Variants in CNTN6 observed in about 807,000 individuals in gnomAD.
The protein encoded by CNTN6 is contactin-6.
In CNTN6, 137 loss-of-function variants were observed where a neutral mutation model predicts 122.8. The ratio of observed to expected loss-of-function variants is 1.12; its 90% CI spans 0.97 to 1.29. The LOEUF is 1.29. Ranked by LOEUF, CNTN6 falls within the 50% of genes most tolerant of loss-of-function variation. The probability of loss-of-function intolerance (pLI) is 0.00; values close to 1 mark genes in which losing one functional copy is unlikely to be tolerated. For missense variants in CNTN6, 1,634 were observed against 1,223.4 expected, an observed-to-expected ratio of 1.34 and a Z score of -5.01; for synonymous variants, 570 against 426.0, an observed-to-expected ratio of 1.34 and a Z score of -4.16.
At chr3:1,341,305 A>G (rs897633810) in intron 11 of CNTN6, among the ~76,000 whole-genome samples, 3 of 152,030 alleles carry the variant, frequency 2.0e-5, no homozygotes, top group Non-Finnish European at 4.4e-5. Context: ...GCATGTTAGC[A>G]TATGAATCTA....
At chr3:1,310,502 C>T (rs527298529) in intron 7 of CNTN6, among the ~76,000 whole-genome samples, 10 of 152,216 alleles carry the variant, frequency 6.6e-5, no homozygotes, top group African/African-American at 2.4e-4. Flanking sequence ...TTAATTGTTG[C>T]TGGACACAAT....
At chr3:1,250,484 C>T (rs368275598) in intron 4 of CNTN6, among the ~76,000 whole-genome samples, 23 of 152,270 alleles carry the variant, frequency 1.5e-4, no homozygotes, top group Middle Eastern at 6.8e-3. Flanking sequence ...GCAAGATTCC[C>T]ACAAACACAC....
At position 1,115,125 on chromosome 3, in the gene CNTN6, A is replaced by G. The variant is rs112775064; in HGVS notation, c.-83+22005A>G. Among the ~76,000 whole-genome samples the G allele has an allele frequency of 1.0e-3, 153 of 152,330 alleles. 2 individuals are homozygous for G. The highest frequency in any genetic ancestry group is 3.5e-3 in the African/African-American group (146 of 41,586). On this transcript the variant is annotated intron_variant, in intron 1 of 22. Transcript: ENST00000446702. ...GGGAGTTTATATGATCCTTCTGTGT[A>G]TAAGGTGAAAGACACATAAATATAA...
At position 1,121,225 on chromosome 3, in the gene CNTN6, C is replaced by G. The variant is rs114334944; in HGVS notation, c.-82-26702C>G. Among the ~76,000 whole-genome samples the G allele has an allele frequency of 4.4e-3, 563 of 126,758 alleles. 4 individuals are homozygous for G. Among genetic ancestry groups the G allele is most frequent in the African/African-American group, 0.015 (550 of 36,308 alleles). The allele number at this position is 126,758 out of a possible 152,430, so 83.2% of individuals were successfully genotyped here. A position where few individuals can be genotyped will look rare whatever the true frequency, so the allele number is the denominator to read the frequency against. ...GAGAGGTATGTAGTACTGAGCTACT[C>G]TATTGGAACACAGAGTTAAACAAAT... On this transcript the variant is annotated intron_variant, in intron 1 of 22. Coordinates refer to ENST00000446702, the MANE Select transcript of CNTN6 (RefSeq NM_001289080.2).
intron 1 of CNTN6, among the ~76,000 whole-genome samples, chr3:1,141,744 G>C (rs888232101): frequency 6.6e-6 from 1 of 152,048 alleles, no homozygotes; most frequent in Non-Finnish European, 1.5e-5. Flanking sequence ...TGACAGAATT[G>C]GACAAGAATA....
intron 4 of CNTN6, among the ~76,000 whole-genome samples, chr3:1,268,727 C>T (rs9835344): frequency 0.54 from 81,746 of 151,742 alleles, 23,142 homozygotes; most frequent in East Asian, 0.82. Context: ...AAGCTGCCAC[C>T]GAATAGGCAC....
At chr3:1,358,358 C>T (rs1706922878) in intron 12 of CNTN6, among the ~76,000 whole-genome samples, 1 of 151,716 alleles carries the variant, frequency 6.6e-6, no homozygotes, top group South Asian at 2.1e-4. Context: ...AGTAAATTTA[C>T]CTTGACTCTA....
At chr3:1,193,164 G>A (rs571413000) in intron 2 of CNTN6, among the ~76,000 whole-genome samples, 38 of 152,284 alleles carry the variant, frequency 2.5e-4, no homozygotes, top group African/African-American at 7.7e-4. Flanking sequence ...TTAAGCGCAG[G>A]TTAACACAAT....
At chr3:1,391,313 A>C (rs1335249508) in intron 20 of CNTN6, among the ~76,000 whole-genome samples, 2 of 125,196 alleles carry the variant, frequency 1.6e-5, no homozygotes, top group African/African-American at 6.9e-5. Flanking sequence ...CCACATAATT[A>C]TCTCAATAGA....
chr3:1,161,127 T>A (rs756410372), intron 2 of CNTN6, among the ~76,000 whole-genome samples: 11 of 151,908 alleles, frequency 7.2e-5, no homozygotes, highest in Non-Finnish European at 1.6e-4. Flanking sequence ...CCACAGCAAC[T>A]GGCAAAAGCT....
chr3:1,337,163 C>A (rs9852017), intron 11 of CNTN6, among the ~76,000 whole-genome samples: 3 of 152,068 alleles, frequency 2.0e-5, no homozygotes, highest in African/African-American at 7.2e-5. Flanking sequence ...GTTATGTGGA[C>A]AAAGCAGTTC....
intron 4 of CNTN6, among the ~76,000 whole-genome samples, chr3:1,240,869 C>T (rs1383109569): frequency 6.6e-6 from 1 of 151,982 alleles, no homozygotes; most frequent in African/African-American, 2.4e-5. Context: ...AAAAGAGAGT[C>T]AGTGAAGGGA....
At chr3:1,094,874 T>C (rs970514121) in intron 1 of CNTN6, among the ~76,000 whole-genome samples, 6 of 152,068 alleles carry the variant, frequency 3.9e-5, no homozygotes, top group African/African-American at 1.4e-4. Context: ...TTATTCACTG[T>C]TTATTTTAAT....
chr3:1,237,304 A>T (rs980874554), intron 4 of CNTN6, among the ~76,000 whole-genome samples: 5 of 152,000 alleles, frequency 3.3e-5, no homozygotes, highest in Admixed American at 2.0e-4. Flanking sequence ...GAGCTCTAAG[A>T]CAAGGCTTTC....
chr3:1,167,999 T>C (rs1262476794), intron 2 of CNTN6, among the ~76,000 whole-genome samples: 1 of 152,142 alleles, frequency 6.6e-6, no homozygotes, highest in East Asian at 1.9e-4. Flanking sequence ...CTCCGCCTCC[T>C]GGGTTCAAGC....
intron 2 of CNTN6, among the ~76,000 whole-genome samples, chr3:1,175,517 A>T (rs1359773709): frequency 6.6e-6 from 1 of 152,190 alleles, no homozygotes; most frequent in Non-Finnish European, 1.5e-5. Context: ...GGCAGCAGGG[A>T]GAGGCAGGGA....
intron 1 of CNTN6, among the ~76,000 whole-genome samples, chr3:1,102,358 A>G (rs2090946643): frequency 1.3e-5 from 2 of 152,178 alleles, no homozygotes; most frequent in African/African-American, 4.8e-5. Flanking sequence ...TCTCCCAATC[A>G]CTAAAGCACA....
chr3:1,324,076 G>C (rs939328664), intron 8 of CNTN6, among the ~76,000 whole-genome samples: 1 of 149,468 alleles, frequency 6.7e-6, no homozygotes, highest in Non-Finnish European at 1.5e-5. Flanking sequence ...CCAGAAACAT[G>C]ATTCAATTTC....
chr3:1,402,893 T>C, intron 22 of CNTN6: 2 of 190,770 alleles, frequency 1.0e-5, no homozygotes, highest in Admixed American at 1.1e-4. Flanking sequence ...AAGTGTGGCT[T>C]TCATAAGGAG....
Sources: allele counts gnomAD v4.1 joint callset (sites outside exome capture counted in the v4.1 genomes callset), GRCh38; gene constraint gnomAD v4.1.1; transcripts MANE v1.5; gene names NCBI Gene and HGNC (gene_info 2026-07-23, HGNC 2026-07-21).